Variants in ADGRL2 observed in about 807,000 individuals in gnomAD.
The protein encoded by ADGRL2 is calcium-independent alpha-latrotoxin receptor 2.
In ADGRL2, 44 loss-of-function variants were observed where a neutral mutation model predicts 157.4. That is an observed-to-expected ratio of 0.28 (90% CI 0.22 to 0.36). The LOEUF is 0.36. Among genes scored for constraint, ADGRL2 ranks in the 10% least tolerant of loss-of-function variants. The pLI is 1.00. For missense variants in ADGRL2, 1,510 were observed against 1,768.9 expected, an observed-to-expected ratio of 0.85 and a Z score of 2.63; for synonymous variants, 585 against 624.7, an observed-to-expected ratio of 0.94 and a Z score of 0.95.
At chr1:81,795,787 T>C (rs2087555701), upstream of ADGRL2, among the ~76,000 whole-genome samples, 1 of 152,246 alleles carries the variant, frequency 6.6e-6, no homozygotes, top group Non-Finnish European at 1.5e-5. Flanking sequence ...GTTAACCATC[T>C]CTTTGCTTTT....
At chr1:81,330,866 G>T (rs538927906) in intron 1 of ADGRL2, among the ~76,000 whole-genome samples, 1 of 152,122 alleles carries the variant, frequency 6.6e-6, no homozygotes, top group Admixed American at 6.5e-5. Context: ...AAATATGAAC[G>T]TTGCTCAACG....
At chr1:81,502,821 T>TGCTGCC in intron 2 of ADGRL2, 2 of 1,612,148 alleles carry the variant, frequency 1.2e-6, no homozygotes, top group Middle Eastern at 2.0e-4. Flanking sequence ...CGGCTACTGC[T>TGCTGCC]GCTGCCGCTG....
At chr1:81,312,685 A>T (rs1433082683) in intron 1 of ADGRL2, among the ~76,000 whole-genome samples, 2 of 152,226 alleles carry the variant, frequency 1.3e-5, no homozygotes, top group African/African-American at 4.8e-5. Flanking sequence ...CCTTTTGATT[A>T]GCAAGTGAAA....
chr1:81,599,548 T>C (rs566780146), intron 3 of ADGRL2, among the ~76,000 whole-genome samples: 15 of 152,320 alleles, frequency 9.8e-5, no homozygotes, highest in Admixed American at 5.9e-4. Context: ...TGAATGAAAT[T>C]CCAACTTTCT....
chr1:81,590,213 C>T (rs1437732091), intron 3 of ADGRL2, among the ~76,000 whole-genome samples: 1 of 152,158 alleles, frequency 6.6e-6, no homozygotes, highest in Non-Finnish European at 1.5e-5. Flanking sequence ...AGAGAACTCA[C>T]TCAGGTATGA....
At chr1:81,942,560 G>T (rs1648437411) in intron 5 of ADGRL2, among the ~76,000 whole-genome samples, 1 of 151,778 alleles carries the variant, frequency 6.6e-6, no homozygotes, top group South Asian at 2.1e-4. Flanking sequence ...CTTATTTCAT[G>T]GTTTTGCTTT....
intron 3 of ADGRL2, among the ~76,000 whole-genome samples, chr1:81,597,448 T>C (rs1388525496): frequency 1.3e-5 from 2 of 152,208 alleles, no homozygotes; most frequent in African/African-American, 4.8e-5. Flanking sequence ...AAAAACACAA[T>C]AGCAACAGCA....
At chr1:81,944,518 G>A (rs1218953838) in intron 6 of ADGRL2, among the ~76,000 whole-genome samples, 1 of 151,988 alleles carries the variant, frequency 6.6e-6, no homozygotes, top group Non-Finnish European at 1.5e-5. Context: ...AATTTTTGAT[G>A]ATAAACGAAT....
intron 1 of ADGRL2, among the ~76,000 whole-genome samples, chr1:81,414,014 T>G (rs2076992999): frequency 6.6e-6 from 1 of 152,168 alleles, no homozygotes; most frequent in Non-Finnish European, 1.5e-5. Flanking sequence ...TGCTAAAGGC[T>G]GCCAACATAA....
At chr1:81,378,229 A>G (rs900369744) in intron 1 of ADGRL2, among the ~76,000 whole-genome samples, 1 of 151,788 alleles carries the variant, frequency 6.6e-6, no homozygotes, top group Admixed American at 6.6e-5. Flanking sequence ...CATGTATTGC[A>G]GTGATAAAGA....
chr1:81,620,420 A>T (rs1042233566), intron 3 of ADGRL2, among the ~76,000 whole-genome samples: 2 of 152,250 alleles, frequency 1.3e-5, no homozygotes, highest in African/African-American at 4.8e-5. Flanking sequence ...AAATTTAAAG[A>T]AAAATATTGT....
chr1:81,371,213 T>A (rs974630867), intron 1 of ADGRL2, among the ~76,000 whole-genome samples: 10 of 152,196 alleles, frequency 6.6e-5, no homozygotes, highest in Admixed American at 1.3e-4. Context: ...CTTATGCCTG[T>A]TTGAACTTTG....
intron 2 of ADGRL2, among the ~76,000 whole-genome samples, chr1:81,570,715 T>C (rs2080669315): frequency 6.6e-6 from 1 of 152,136 alleles, no homozygotes; most frequent in Non-Finnish European, 1.5e-5. Context: ...TGGATAAAAT[T>C]CCTAGAATAA....
intron 3 of ADGRL2, among the ~76,000 whole-genome samples, chr1:81,679,147 G>A (rs372003876): frequency 2.0e-5 from 3 of 152,190 alleles, no homozygotes; most frequent in African/African-American, 7.2e-5. Context: ...CAGAGAGTAG[G>A]AAAACTAACA....
At chr1:81,409,294 A>AAC (rs5775610) in intron 1 of ADGRL2, among the ~76,000 whole-genome samples, 101,431 of 151,926 alleles carry the variant, frequency 0.67, 34,145 homozygotes, top group East Asian at 0.78. Context: ...GAACACAAAA[A>AAC]ACACACATTT....
chr1:81,969,248 G>T lies in ADGRL2; in HGVS notation c.2594G>T (p.Cys865Phe), dbSNP rs369954151. ...TWVGIVISLV[C>F]LAICIFTFCF... ...GTGGGAATTGTCATTTCCCTTGTTT[G>T]CCTGGCTATCTGCATCTTCACCTTC... is the stretch of plus-strand genomic sequence containing the variant. Residue 865 changes from cysteine to phenylalanine, a missense_variant, in exon 15 of 24, where the codon TGC becomes TTC. Cys to Phe is a radical substitution (Grantham distance 205, BLOSUM62 -2). Transcript: ENST00000686636. The T allele has an allele frequency of 6.2e-7, 1 of 1,613,888 alleles. No individual in the cohort carries two copies. The highest frequency in any genetic ancestry group is 8.5e-7 in the Non-Finnish European group (1 of 1,179,944).
chr1:81,373,689 ATACAGAAGT>A (rs1380938348), intron 1 of ADGRL2, among the ~76,000 whole-genome samples: 24 of 152,238 alleles, frequency 1.6e-4, no homozygotes, highest in Admixed American at 1.4e-3. Flanking sequence ...ATGAATGAAT[ATACAGAAGT>A]CAGCCTGAAA....
intron 1 of ADGRL2, among the ~76,000 whole-genome samples, chr1:81,433,677 T>C (rs1438007115): frequency 6.6e-6 from 1 of 152,238 alleles, no homozygotes; most frequent in East Asian, 1.9e-4. Flanking sequence ...AAAAGGAAAA[T>C]TATAATTGTT....
chr1:81,866,533 G>A (rs1005656425), intron 2 of ADGRL2, among the ~76,000 whole-genome samples: 6 of 152,044 alleles, frequency 3.9e-5, no homozygotes, highest in African/African-American at 1.4e-4. Context: ...TTAAGTAATA[G>A]AGACAAGTAC....
Sources: gnomAD v4.1 joint callset for allele counts (sites outside exome capture counted in the v4.1 genomes callset) on GRCh38, gnomAD v4.1.1 for gene constraint, MANE v1.5 for transcripts, NCBI Gene and HGNC (gene_info 2026-07-23, HGNC 2026-07-21) for gene names.